Variants in SPECC1 observed in about 807,000 individuals in gnomAD.
SPECC1 encodes cytospin-B.
Under a neutral mutation model 104.1 loss-of-function variants are expected in SPECC1, and 62 were observed. The observed-to-expected ratio is 0.60, with a 90% CI of 0.49 to 0.74. The LOEUF (loss-of-function observed/expected upper bound fraction) is 0.74. Ranked by LOEUF, SPECC1 falls within the 30% of genes least tolerant of loss-of-function variation. The pLI is 0.00. For synonymous variants in SPECC1, 513 were observed against 501.6 expected (o/e 1.02, Z -0.30); for missense variants, 1,306 against 1,310.5 (o/e 1.00, Z 0.05).
At chr17:20,170,206 A>T (rs1158581756) in intron 3 of SPECC1, among the ~76,000 whole-genome samples, 4 of 152,190 alleles carry the variant, frequency 2.6e-5, no homozygotes, top group African/African-American at 9.7e-5. Context: ...TTGCTTCTCC[A>T]GCTAAGTAAG....
intron 12 of SPECC1, among the ~76,000 whole-genome samples, chr17:20,277,413 T>A (rs1004332984): frequency 6.6e-6 from 1 of 152,222 alleles, no homozygotes; most frequent in Non-Finnish European, 1.5e-5. Flanking sequence ...ATGATGCTGC[T>A]AAATGAAAGT....
At chr17:20,102,782 C>T (rs2048003962) in intron 2 of SPECC1, among the ~76,000 whole-genome samples, 2 of 152,134 alleles carry the variant, frequency 1.3e-5, no homozygotes, top group African/African-American at 2.4e-5. Context: ...CTCCCCTCCT[C>T]CCTCCTCCTC....
At chr17:20,156,526 G>C (rs1181458743) in intron 3 of SPECC1, among the ~76,000 whole-genome samples, 7 of 152,142 alleles carry the variant, frequency 4.6e-5, no homozygotes, top group Non-Finnish European at 8.8e-5. Flanking sequence ...CCTGGCCTGC[G>C]CCTAGACCAG....
At chr17:20,250,955 A>T (rs544935705) in intron 9 of SPECC1, among the ~76,000 whole-genome samples, 1 of 152,214 alleles carries the variant, frequency 6.6e-6, no homozygotes, top group Admixed American at 6.5e-5. Context: ...GGCCAGGTAC[A>T]ATGGCTTATG....
At chr17:20,105,132 C>T (rs1168404964) in intron 2 of SPECC1, among the ~76,000 whole-genome samples, 1 of 151,758 alleles carries the variant, frequency 6.6e-6, no homozygotes, top group Admixed American at 6.6e-5. Flanking sequence ...GGGTTTTGCT[C>T]TGTTGCCCAT....
chr17:20,084,711 G>A (rs1275879775), intron 1 of SPECC1, among the ~76,000 whole-genome samples: 1 of 152,118 alleles, frequency 6.6e-6, no homozygotes, highest in East Asian at 1.9e-4. Flanking sequence ...CTTACTCGAG[G>A]TCACAACAGT....
At position 20,009,735 on chromosome 17, in the gene SPECC1, C is replaced by A. The variant is rs1465728857; in HGVS notation, c.-22+311C>A. 6.6e-6 allele frequency: 1 copy of A among 152,178 alleles called. No homozygotes were observed. The highest frequency in any genetic ancestry group is 1.5e-5 in the Non-Finnish European group (1 of 68,040). 9.4% of individuals were successfully genotyped at this position (152,178 alleles called of 1,614,324 possible). A position where few individuals can be genotyped will look rare whatever the true frequency, so the allele number is the denominator to read the frequency against. ...CCGGGCCCGAGGGTTGTCGCAGGGA[C>A]CCGGGACTGAGAGCCAGGTGGCTCC... On this transcript the variant is annotated intron_variant, in intron 1 of 14. Transcript: ENST00000395527. The surrounding 1 kb of genome is among the most constrained non-coding windows in gnomAD (Gnocchi z 5.2).
Position 20,194,502 on chromosome 17 carries a change from A to ATTATTTTTTTTTTTTTAT in SPECC1, c.284-9829_284-9828insATTTTTTTTTTTTTATTT. Reference sequence around the variant, plus strand: ...TGTGTTCTGTTAGAAAAGAGAACGAATTTTTTTTTTTTTTTTTTTTTTTGA... The same window carrying ATTATTTTTTTTTTTTTAT: ...TGTGTTCTGTTAGAAAAGAGAACGAATTATTTTTTTTTTTTTATTTTTTTTTTTTTTTTTTTTTTTTGA... On this transcript the variant is annotated intron_variant, in intron 3 of 14. Coordinates refer to ENST00000395527, the MANE Select transcript of SPECC1 (RefSeq NM_001243439.2). Among the ~76,000 whole-genome samples, 3 of 86,566 alleles carry ATTATTTTTTTTTTTTTAT rather than the reference A, an allele frequency of 3.5e-5. No individual in the cohort carries two copies. The South Asian group carries it at 1.3e-3, about 36-fold the overall frequency. 56.8% of individuals were successfully genotyped at this position (86,566 alleles called of 152,430 possible).
intron 12 of SPECC1, among the ~76,000 whole-genome samples, chr17:20,292,193 G>A (rs1442021541): frequency 6.6e-6 from 1 of 151,982 alleles, no homozygotes; most frequent in Non-Finnish European, 1.5e-5. Context: ...CTTCCCAAGA[G>A]GAAAGCAGAA....
At chr17:20,126,014 T>G (rs1166214978) in intron 3 of SPECC1, among the ~76,000 whole-genome samples, 7 of 152,182 alleles carry the variant, frequency 4.6e-5, no homozygotes, top group Admixed American at 3.9e-4. Flanking sequence ...ATGGCAGCTC[T>G]CCTGGGTCCT....
At chr17:20,280,859 C>T (rs2040745213) in intron 12 of SPECC1, among the ~76,000 whole-genome samples, 1 of 152,210 alleles carries the variant, frequency 6.6e-6, no homozygotes, top group South Asian at 2.1e-4. Flanking sequence ...GCAGAAGCAT[C>T]ATTGGAAGAA....
At chr17:20,287,189 G>A (rs1419929626) in intron 12 of SPECC1, among the ~76,000 whole-genome samples, 2 of 152,238 alleles carry the variant, frequency 1.3e-5, no homozygotes, top group African/African-American at 4.8e-5. Flanking sequence ...AGGCCGAGGC[G>A]GGTGGATCAT....
At chr17:20,050,065 C>T (rs1317854878) in intron 1 of SPECC1, among the ~76,000 whole-genome samples, 1 of 152,020 alleles carries the variant, frequency 6.6e-6, no homozygotes, top group Non-Finnish European at 1.5e-5. Context: ...GATCTGCCCA[C>T]CTTGGCCTCC....
At chr17:20,191,820 G>A (rs2035692409) in intron 3 of SPECC1, among the ~76,000 whole-genome samples, 2 of 152,030 alleles carry the variant, frequency 1.3e-5, no homozygotes, top group South Asian at 2.1e-4. Context: ...GATCCATGAG[G>A]AATTGCCACA....
At chr17:20,241,473 T>C (rs1411446768) in intron 7 of SPECC1, among the ~76,000 whole-genome samples, 2 of 152,174 alleles carry the variant, frequency 1.3e-5, no homozygotes, top group East Asian at 3.9e-4. Context: ...GGGACATTAG[T>C]TGGGGTTTTC....
At chr17:20,201,879 T>C (rs901393287) in intron 3 of SPECC1, among the ~76,000 whole-genome samples, 1 of 151,936 alleles carries the variant, frequency 6.6e-6, no homozygotes, top group African/African-American at 2.4e-5. Context: ...CATTGGAAAA[T>C]TATTTGGAGA....
chr17:20,304,949 C>T (rs890446565), intron 13 of SPECC1, among the ~76,000 whole-genome samples: 11 of 151,908 alleles, frequency 7.2e-5, no homozygotes, highest in African/African-American at 2.7e-4. Flanking sequence ...GCCCCCCTCC[C>T]AGTAAGGAAA....
chr17:20,163,257 TAAA>T (rs1242381736), intron 3 of SPECC1, among the ~76,000 whole-genome samples: 3 of 152,190 alleles, frequency 2.0e-5, no homozygotes, highest in Admixed American at 6.5e-5. Context: ...TTGTGGATAA[TAAA>T]AAAGTAGCTC....
chr17:20,246,730 T>G (rs2039438862), intron 8 of SPECC1, among the ~76,000 whole-genome samples: 1 of 152,252 alleles, frequency 6.6e-6, no homozygotes, highest in Non-Finnish European at 1.5e-5. Flanking sequence ...TGCATCTGTC[T>G]ACAGTAACAA....
Sources: gnomAD v4.1 joint callset for allele counts (sites outside exome capture counted in the v4.1 genomes callset) on GRCh38, gnomAD v4.1.1 for gene constraint, Gnocchi (gnomAD v3.1) non-coding constraint, MANE v1.5 for transcripts, NCBI Gene and HGNC (gene_info 2026-07-23, HGNC 2026-07-21) for gene names.